AP1G1: variants seen among roughly 807,000 people sequenced by gnomAD.
AP1G1 encodes the protein adaptor related protein complex 1 subunit gamma 1.
In AP1G1, 7 loss-of-function variants were observed where a neutral mutation model predicts 108.3. That is an observed-to-expected ratio of 0.06 (90% CI 0.04 to 0.12). The LOEUF (loss-of-function observed/expected upper bound fraction) is 0.12. AP1G1 is among the 10% of genes least tolerant of loss of function. The pLI is 1.00. For missense variants in AP1G1, 756 were observed against 1,010.7 expected (o/e 0.75, Z 3.42); for synonymous variants, 379 against 353.5 (o/e 1.07, Z -0.81).
At chr16:71,745,312 T>A in intron 18 of AP1G1, 42 bp from the exon 19 acceptor site, 1 of 1,611,372 alleles carries the variant, frequency 6.2e-7, no homozygotes, top group Non-Finnish European at 8.5e-7. Context: ...TTATTTGATT[T>A]GTCTAGTATA....
At chr16:71,808,198 A>AAGC in intron 1 of AP1G1, 7 of 994,492 alleles carry the variant, frequency 7.0e-6, no homozygotes, top group Non-Finnish European at 4.7e-6. Context: ...GAAAAAAACA[A>AAGC]AACAACAACA....
chr16:71,767,974 C>A, intron 6 of AP1G1: 1 of 1,407,160 alleles, frequency 7.1e-7, no homozygotes. Flanking sequence ...TACTATATTA[C>A]AATAATTTAA....
chr16:71,732,906 G>C lies in AP1G1; in HGVS notation c.*152C>G. 1 of 613,696 alleles carries C rather than the reference G, an allele frequency of 1.6e-6. No homozygotes were observed. Among genetic ancestry groups the C allele is most frequent in the Non-Finnish European group, 2.9e-6 (1 of 350,042 alleles). 38.0% of individuals were successfully genotyped at this position (613,696 alleles called of 1,614,324 possible). On this transcript the variant is annotated 3_prime_UTR_variant, in exon 23 of 23. Coordinates refer to ENST00000299980, the MANE Select transcript of AP1G1 (RefSeq NM_001128.6). ...CATTAGTCTTTAACAATGCTTCAAG[G>C]TCAGCAGTAACTTTAGGAAAATCCT... is the stretch of plus-strand genomic sequence containing the variant.
chr16:71,793,538 T>A (rs539550693), intron 1 of AP1G1, among the ~76,000 whole-genome samples: 49 of 152,038 alleles, frequency 3.2e-4, no homozygotes, highest in Admixed American at 7.2e-4. Flanking sequence ...AACAAACAAA[T>A]AAATAAAAAC....
Position 71,764,735 on chromosome 16 carries a change from CA to C in AP1G1, c.739-10del. 1 of 1,592,050 alleles carries C rather than the reference CA, an allele frequency of 6.3e-7. No homozygotes were observed. The highest frequency in any genetic ancestry group is 2.2e-5 in the East Asian group (1 of 44,582). On this transcript the variant is annotated splice_polypyrimidine_tract_variant and intron_variant, in intron 7 of 22. Coordinates refer to ENST00000299980, the MANE Select transcript of AP1G1 (RefSeq NM_001128.6). ...AACCGCAAAATTCGTACCTAACGTG[CA>C]AAAGATGAGAGGTGTCAACAAATTA... is the stretch of plus-strand genomic sequence containing the variant.
intron 11 of AP1G1, among the ~76,000 whole-genome samples, chr16:71,757,266 T>C (rs545579006): frequency 2.2e-4 from 33 of 151,924 alleles, no homozygotes; most frequent in Admixed American, 1.6e-3. Context: ...ACCTAGCCAA[T>C]ACGGCAAAAC....
chr16:71,765,661 G>A (rs753472285), intron 6 of AP1G1, 77 bp from the exon 7 acceptor site: 1 of 1,173,308 alleles, frequency 8.5e-7, no homozygotes, highest in African/African-American at 1.5e-5. Flanking sequence ...CTTTGGTTTA[G>A]AAAAAGGGTG....
At chr16:71,777,882 C>T (rs1218888655) in intron 2 of AP1G1, 4 of 287,086 alleles carry the variant, frequency 1.4e-5, no homozygotes, top group Admixed American at 8.7e-5. Flanking sequence ...AGGGCCAAGA[C>T]AGAGGGGCCC....
intron 2 of AP1G1, among the ~76,000 whole-genome samples, chr16:71,786,370 A>C (rs2032203166): frequency 6.6e-6 from 1 of 152,104 alleles, no homozygotes; most frequent in African/African-American, 2.4e-5. Context: ...TTACACCTAT[A>C]ATCACAGCAC....
chr16:71,736,578 ATTTATTT>A (rs1361534810), intron 21 of AP1G1, among the ~76,000 whole-genome samples: 1 of 133,762 alleles, frequency 7.5e-6, no homozygotes, highest in African/African-American at 2.8e-5. Context: ...TTATTTATTT[ATTTATTT>A]ATTTATTTAT....
In AP1G1 at chr16:71,729,970, T is replaced by C. The variant is rs1344658590; in HGVS notation, c.*3088A>G. On this transcript the variant is annotated 3_prime_UTR_variant, in exon 23 of 23. Transcript: ENST00000299980. ...TCCAATTTCTACGACATAAAAAAAA[T>C]GGGAAGCATGTTATATAAACCATTA... 3 of 152,320 alleles carry C rather than the reference T, an allele frequency of 2.0e-5. No individual in the cohort carries two copies. Among genetic ancestry groups the C allele is most frequent in the Non-Finnish European group, 4.4e-5 (3 of 67,998 alleles). The allele number at this position is 152,320 out of a possible 1,614,324, so 9.4% of individuals were successfully genotyped here. A position where few individuals can be genotyped will look rare whatever the true frequency, so the allele number is the denominator to read the frequency against.
rs2270831 is a variant in AP1G1 at position 71,746,696 on chromosome 16, T to C, written c.1626-4A>G. 0.36 allele frequency: 583,536 copies of C among 1,601,182 alleles called. 112,470 individuals carry two copies. The highest frequency in any genetic ancestry group is 0.71 in the East Asian group (31,673 of 44,742). On this transcript the variant is annotated splice_polypyrimidine_tract_variant and splice_region_variant and intron_variant, in intron 16 of 22. Coordinates refer to ENST00000299980, the MANE Select transcript of AP1G1 (RefSeq NM_001128.6). ...GGAAACCACTTTCTTAATTCGGCTA[T>C]AGATAAAATGACAAACGAAATAAAA...
intron 21 of AP1G1, among the ~76,000 whole-genome samples, chr16:71,735,806 G>A (rs1448398334): frequency 5.9e-5 from 9 of 151,736 alleles, no homozygotes; most frequent in Non-Finnish European, 8.8e-5. Context: ...CTTCTCTAGG[G>A]CCAAAAGTTG....
intron 9 of AP1G1, 62 bp from the exon 10 acceptor site, chr16:71,761,629 T>C: frequency 7.8e-7 from 1 of 1,281,362 alleles, no homozygotes; most frequent in Non-Finnish European, 1.1e-6. Context: ...GTTTCCTGAG[T>C]TTAAAGGATC....
rs1488722566 is a variant in AP1G1, at chr16:71,746,634, T to G, written c.1684A>C (p.Arg562=). The G allele has an allele frequency of 1.2e-6, 2 of 1,613,430 alleles. No individual in the cohort carries two copies. The highest frequency in any genetic ancestry group is 1.7e-6 in the Non-Finnish European group (2 of 1,179,752). The stretch of plus-strand genomic sequence containing the variant: ...AAAAGTGCATTATATTCTACTGCCC[T>G]CTGCTGGAGTTCCACATCAATGCTG... The part of the protein sequence containing the change: ...GSSIDVELQQ[R]AVEYNALFKK... The change falls in exon 17 of 23, where the codon AGG becomes CGG. Residue 562 remains arginine, a synonymous_variant. Coordinates refer to ENST00000299980, the MANE Select transcript of AP1G1 (RefSeq NM_001128.6).
chr16:71,768,512 A>G (rs1443080763), intron 6 of AP1G1, among the ~76,000 whole-genome samples: 2 of 150,882 alleles, frequency 1.3e-5, no homozygotes, highest in African/African-American at 4.9e-5. Context: ...AAAAAAAAAA[A>G]AGAGAGAAGG....
chr16:71,753,887 C>A lies in AP1G1; in HGVS notation c.1230G>T (p.Lys410Asn), dbSNP rs1216363126. Reference sequence around the variant, plus strand: ...TATGCCATCGTTTGGAAGGTGCATACCTGAAAAAAACAATGGAAAGGGACA... The same window carrying A: ...TATGCCATCGTTTGGAAGGTGCATAACTGAAAAAAACAATGGAAAGGGACA... ...CASGIFLAAE[K>N]YAPSKRWHID... Residue 410 changes from lysine (K) to asparagine (N), a missense_variant and splice_region_variant, in exon 13 of 23, where the codon AAG (lysine) becomes AAT (asparagine). By Grantham distance (94) the Lys-to-Asn change is moderately conservative (BLOSUM62 0). Coordinates refer to ENST00000299980, the MANE Select transcript of AP1G1 (RefSeq NM_001128.6). 1 of 1,613,652 alleles carries A rather than the reference C, an allele frequency of 6.2e-7. No homozygotes were observed. The highest frequency in any genetic ancestry group is 2.2e-5 in the East Asian group (1 of 44,872).
At position 71,733,152 on chromosome 16, in the gene AP1G1, A is replaced by G; in HGVS notation, c.2375T>C (p.Leu792Pro). ...ATATGTAAGCTTGATCCGCATTCGC[A>G]GCTGTTGCTATAAGAGGAAAAGAGA... ...IKVLNPQKQQ[L>P]RMRIKLTYNH... is the part of the protein sequence containing the mutation. The change falls in exon 23 of 23, where the codon CTG becomes CCG. Residue 792 changes from leucine (L) to proline (P), a missense_variant. This residue lies in a region of AP1G1 where 95 missense variants were observed against 160.5 expected (regional missense o/e 0.59). Coordinates refer to ENST00000299980, the MANE Select transcript of AP1G1 (RefSeq NM_001128.6). 1 of 1,613,830 alleles carries G rather than the reference A, an allele frequency of 6.2e-7. No individual in the cohort carries two copies. The highest frequency in any genetic ancestry group is 8.5e-7 in the Non-Finnish European group (1 of 1,179,726).
intron 2 of AP1G1, 67 bp downstream of exon 2, chr16:71,789,212 G>C: frequency 4.8e-6 from 7 of 1,445,048 alleles, no homozygotes; most frequent in Non-Finnish European, 6.7e-6. Context: ...ACCAGAAAAA[G>C]ATGGACAATC....
Sources: allele counts gnomAD v4.1 joint callset (sites outside exome capture counted in the v4.1 genomes callset), GRCh38; gene constraint gnomAD v4.1.1; regional missense constraint gnomAD v4.1.1; transcripts MANE v1.5; gene names NCBI Gene and HGNC (gene_info 2026-07-23, HGNC 2026-07-21).